IGFL2: variants seen among roughly 807,000 people sequenced by gnomAD.
The protein encoded by IGFL2 is insulin growth factor-like family member 2.
In IGFL2, 7 loss-of-function variants were observed where a neutral mutation model predicts 13.9. The observed-to-expected ratio is 0.51, with a 90% CI of 0.29 to 0.95. The LOEUF (loss-of-function observed/expected upper bound fraction) is 0.95. Ranked by LOEUF, IGFL2 falls within the 40% of genes least tolerant of loss-of-function variation. IGFL2 has a pLI of 0.08. For synonymous variants in IGFL2, 55 were observed against 55.8 expected (o/e 0.99, Z 0.07); for missense variants, 138 against 147.8 (o/e 0.93, Z 0.34).
At chr19:46,096,299 A>G in the IGFL2 span, among the ~76,000 whole-genome samples, 1 of 152,004 alleles carries the variant, frequency 6.6e-6, no homozygotes, top group Non-Finnish European at 1.5e-5. Flanking sequence ...ATGGGAGTTC[A>G]TCCATGATTT....
intron 1 of IGFL2, chr19:46,158,997 C>T (rs1405522776): frequency 6.6e-6 from 1 of 152,224 alleles, no homozygotes; most frequent in African/African-American, 2.4e-5. Context: ...ATCTGGGCTG[C>T]ACTCTCAGGT....
At chr19:46,118,326 G>T in the IGFL2 span, among the ~76,000 whole-genome samples, 7 of 152,284 alleles carry the variant, frequency 4.6e-5, no homozygotes, top group African/African-American at 1.7e-4. Flanking sequence ...TGGTCTAGGA[G>T]AGAATGCTGA....
the IGFL2 span, among the ~76,000 whole-genome samples, chr19:46,187,971 C>T: frequency 1.8e-4 from 27 of 151,542 alleles, no homozygotes; most frequent in Admixed American, 1.5e-3. Flanking sequence ...TGATCAGAGA[C>T]GGTGAGCATT....
At chr19:46,106,572 G>A in the IGFL2 span, among the ~76,000 whole-genome samples, 2 of 152,110 alleles carry the variant, frequency 1.3e-5, no homozygotes, top group Non-Finnish European at 1.5e-5. Context: ...GTGGAGGGAG[G>A]TATTGAGGAT....
the IGFL2 span, among the ~76,000 whole-genome samples, chr19:46,119,192 T>G: frequency 6.6e-6 from 1 of 152,082 alleles, no homozygotes; most frequent in Non-Finnish European, 1.5e-5. Flanking sequence ...AACAGGGTAG[T>G]CCAAGCTCTC....
chr19:46,136,944 T>C, the IGFL2 span: 2 of 1,191,798 alleles, frequency 1.7e-6, no homozygotes, highest in African/African-American at 1.5e-5. Context: ...GTCTGTAAAG[T>C]TGTTGGCTGC....
At chr19:46,199,072 CTG>C in the IGFL2 span, among the ~76,000 whole-genome samples, 1 of 152,152 alleles carries the variant, frequency 6.6e-6, no homozygotes, top group Non-Finnish European at 1.5e-5. Context: ...CCAGGGATAT[CTG>C]TGACCAAGGC....
At chr19:46,135,443 C>T in the IGFL2 span, among the ~76,000 whole-genome samples, 116 of 152,242 alleles carry the variant, frequency 7.6e-4, 1 homozygote, top group Middle Eastern at 0.01. Flanking sequence ...CCCCCGAGAG[C>T]CAGAACCCCT....
chr19:46,166,346 T>A, the IGFL2 span, among the ~76,000 whole-genome samples: 1 of 152,082 alleles, frequency 6.6e-6, no homozygotes, highest in Non-Finnish European at 1.5e-5. Flanking sequence ...CAGCAAGTTT[T>A]TATTAGGGAT....
At chr19:46,144,217 T>G (rs533547484), upstream of IGFL2, among the ~76,000 whole-genome samples, 50 of 152,256 alleles carry the variant, frequency 3.3e-4, no homozygotes, top group Non-Finnish European at 5.7e-4. Flanking sequence ...TAAAACCTTA[T>G]TTATGGATAC....
the IGFL2 span, chr19:46,214,599 A>C: frequency 2.6e-5 from 4 of 151,970 alleles, no homozygotes; most frequent in South Asian, 8.4e-4. Flanking sequence ...CATCACCCAC[A>C]TTCCACCAAG....
At chr19:46,176,789 C>A in the IGFL2 span, among the ~76,000 whole-genome samples, 2 of 152,204 alleles carry the variant, frequency 1.3e-5, no homozygotes, top group South Asian at 2.1e-4. Flanking sequence ...ACACTCCCCC[C>A]AGCCTGTTGC....
the IGFL2 span, among the ~76,000 whole-genome samples, chr19:46,127,208 A>C: frequency 9.2e-5 from 14 of 152,154 alleles, no homozygotes; most frequent in Non-Finnish European, 1.3e-4. Flanking sequence ...CAACAAAGCG[A>C]GACCCTGTCT....
chr19:46,152,197 T>C (rs187486156), intron 1 of IGFL2, among the ~76,000 whole-genome samples: 88 of 152,260 alleles, frequency 5.8e-4, no homozygotes, highest in African/African-American at 2.1e-3. Flanking sequence ...TTTTTATATG[T>C]TGATCTCTTT....
chr19:46,191,777 A>G, the IGFL2 span, among the ~76,000 whole-genome samples: 35 of 152,206 alleles, frequency 2.3e-4, no homozygotes, highest in Non-Finnish European at 3.7e-4. Context: ...AGTGACCACC[A>G]TAATTTCATT....
the IGFL2 span, among the ~76,000 whole-genome samples, chr19:46,122,927 A>G: frequency 6.6e-6 from 1 of 150,828 alleles, no homozygotes; most frequent in Non-Finnish European, 1.5e-5. Context: ...CTCACTATCC[A>G]GACTGCTAGG....
the IGFL2 span, among the ~76,000 whole-genome samples, chr19:46,178,245 C>G: frequency 6.6e-6 from 1 of 151,910 alleles, no homozygotes; most frequent in South Asian, 2.1e-4. Context: ...CCACTGCACT[C>G]CAGCCTGGGC....
chr19:46,159,703 T>G (rs1974033856), intron 1 of IGFL2: 1 of 152,236 alleles, frequency 6.6e-6, no homozygotes, highest in Admixed American at 6.5e-5. Flanking sequence ...CATCATTTTT[T>G]TCCATTTCCT....
chr19:46,148,357 G>A lies in IGFL2; in HGVS notation c.19+60G>A, dbSNP rs371596164. On this transcript the variant is annotated intron_variant, in intron 1 of 3. Transcript: ENST00000377693. ...CTACTGTTATCCCTAATGTACCTCT[G>A]AACCTCAAACTTAATTCTCTCTTCC... 6 of 1,399,226 alleles carry A rather than the reference G, an allele frequency of 4.3e-6. No homozygotes were observed. The African/African-American group carries it at 8.6e-5, about 20-fold the overall frequency. The allele number at this position is 1,399,226 out of a possible 1,614,324, so 86.7% of individuals were successfully genotyped here. A position where few individuals can be genotyped will look rare whatever the true frequency, so the allele number is the denominator to read the frequency against.
Sources: allele counts gnomAD v4.1 joint callset (sites outside exome capture counted in the v4.1 genomes callset), GRCh38; gene constraint gnomAD v4.1.1; transcripts MANE v1.5; gene names NCBI Gene and HGNC (gene_info 2026-07-23, HGNC 2026-07-21).